Variants in BCOR observed in about 807,000 individuals in gnomAD.
BCOR encodes BCL-6 corepressor.
A neutral mutation model predicts 86.7 loss-of-function variants in BCOR; 10 were observed. The observed-to-expected ratio is 0.12, with a 90% CI of 0.07 to 0.20. BCOR has a LOEUF of 0.20. BCOR is among the 10% of genes least tolerant of loss of function. The pLI, the probability that BCOR is intolerant of heterozygous loss-of-function variation, is 1.00. For synonymous variants in BCOR, 611 were observed against 609.0 expected (o/e 1.00, Z -0.05); for missense variants, 1,259 against 1,452.1 (o/e 0.87, Z 2.16).
chrX:40,113,960 A>G (rs1204240108), intron 1 of BCOR, among the ~76,000 whole-genome samples: 1 of 110,852 alleles, frequency 9.0e-6, no homozygotes, highest in African/African-American at 3.3e-5. Context: ...CTGGGATTAC[A>G]GGTGTGTGCC....
chrX:40,168,202 C>T (rs1938543852), intron 1 of BCOR, among the ~76,000 whole-genome samples: 2 of 113,395 alleles, frequency 1.8e-5, no homozygotes, highest in African/African-American at 3.2e-5. Context: ...CCTTTCTTTT[C>T]TTCCGTCCTT....
intron 1 of BCOR, chrX:40,146,410 A>T (rs1203162053): frequency 9.0e-6 from 1 of 110,664 alleles, no homozygotes; most frequent in Admixed American, 9.4e-5. Context: ...GTCCGGGAGG[A>T]GGGAGGGCCG....
chrX:40,110,672 T>C (rs1602230588), intron 1 of BCOR, among the ~76,000 whole-genome samples: 13 of 5,727 alleles, frequency 2.3e-3, no homozygotes, highest in Non-Finnish European at 3.4e-3. Context: ...TTTTTCTTTT[T>C]TTTTTTTTTT....
rs778453552 is a variant in BCOR at position 40,154,887 on chromosome X, C to G, written c.-41+22120G>C. ...CCTCTTTTGCAGATGGCAGATTAATCCGGCAGCACCCGGCCTCAAAGGGAC... is the reference window on the plus strand; with the variant it reads ...CCTCTTTTGCAGATGGCAGATTAATGCGGCAGCACCCGGCCTCAAAGGGAC... On this transcript the variant is annotated intron_variant, in intron 1 of 14. Transcript: ENST00000342274. 1.8e-4 allele frequency among the ~76,000 whole-genome samples: 20 copies of G among 112,234 alleles called. No individual in the cohort carries two copies. The East Asian group carries it at 5.7e-3, about 32-fold the overall frequency.
At chrX:40,130,530 C>T (rs767230246) in intron 1 of BCOR, among the ~76,000 whole-genome samples, 15 of 112,316 alleles carry the variant, frequency 1.3e-4, no homozygotes, top group Admixed American at 7.5e-4. Flanking sequence ...TGTGTCGCAT[C>T]GCTGTGCAGC....
rs1569156756 is a variant in BCOR at position 40,073,459 on chromosome X, GTTT to G, written c.1884_1886del (p.Asn629del). ...TAGAGCTTGGTGGAAGGCCGTTCTC[GTTT>G]GCTTTGAAACTCGGTTCTGGGTTGC... On this transcript the variant is annotated inframe_deletion, in exon 4 of 15. Transcript: ENST00000378444. The G allele has an allele frequency of 8.2e-7, 1 of 1,212,351 alleles. No homozygotes were observed.
chrX:40,155,386 G>A (rs897554794), intron 1 of BCOR, among the ~76,000 whole-genome samples: 4 of 111,869 alleles, frequency 3.6e-5, no homozygotes, highest in Non-Finnish European at 7.6e-5. Context: ...GCACCCCCGC[G>A]GCCAGGGTCA....
rs759722005 is a variant in BCOR at position 40,077,898 on chromosome X, A to G, written c.32T>C (p.Val11Ala). The part of the protein sequence containing the change: MLSATPLYGN[V>A]HSWMNSERVR... ...CCTCTCGCTGTTCATCCAGCTGTGAACGTTCCCATACAGGGGGGTTGCTGA... is the reference window on the plus strand; with the variant it reads ...CCTCTCGCTGTTCATCCAGCTGTGAGCGTTCCCATACAGGGGGGTTGCTGA... Residue 11 changes from valine (V) to alanine (A), a missense_variant, in exon 2 of 15, where the codon GTT (valine) becomes GCT (alanine). Coordinates refer to ENST00000378444, the MANE Select transcript of BCOR (RefSeq NM_001123385.2). 7 of 1,210,775 alleles carry G rather than the reference A, an allele frequency of 5.8e-6. No individual in the cohort carries two copies. The highest frequency in any genetic ancestry group is 7.8e-6 in the Non-Finnish European group (7 of 895,155).
intron 1 of BCOR, among the ~76,000 whole-genome samples, chrX:40,153,104 G>A (rs904748424): frequency 3.5e-5 from 4 of 113,436 alleles, no homozygotes; most frequent in African/African-American, 9.6e-5. Flanking sequence ...CAGGACCGCG[G>A]AGCAGTCGGG....
intron 1 of BCOR, among the ~76,000 whole-genome samples, chrX:40,083,193 C>A (rs1286454521): frequency 4.5e-5 from 5 of 110,857 alleles, no homozygotes; most frequent in African/African-American, 1.3e-4. Context: ...TCCTCCGGGT[C>A]TGCTGGAGAG....
At chrX:40,168,444 T>TA (rs1350469818) in intron 1 of BCOR, among the ~76,000 whole-genome samples, 1 of 112,848 alleles carries the variant, frequency 8.9e-6, no homozygotes, top group African/African-American at 3.2e-5. Context: ...CCTCCTAGCC[T>TA]AAGTGGAACC....
chrX:40,064,309 C>G, intron 7 of BCOR, 27 bp downstream of exon 7: 2 of 1,211,845 alleles, frequency 1.7e-6, no homozygotes, highest in Non-Finnish European at 2.2e-6. Context: ...CACCCCCCGG[C>G]AGGCGGGCGA....
chrX:40,161,687 G>C (rs1306510875), intron 1 of BCOR, among the ~76,000 whole-genome samples: 1 of 106,471 alleles, frequency 9.4e-6, no homozygotes, highest in African/African-American at 3.4e-5. Context: ...CTAATTTTTT[G>C]TATTTTTAGT....
chrX:40,139,482 TA>T (rs1937849926), intron 1 of BCOR, among the ~76,000 whole-genome samples: 1 of 15,183 alleles, frequency 6.6e-5, no homozygotes, highest in African/African-American at 5.7e-4. Flanking sequence ...TATATATATA[TA>T]TATATATATA....
chrX:40,139,441 T>TAC, intron 1 of BCOR, among the ~76,000 whole-genome samples: 1 of 16,566 alleles, frequency 6.0e-5, no homozygotes, highest in African/African-American at 8.2e-4. Flanking sequence ...TATATATATA[T>TAC]ATATAATATA....
chrX:40,064,271 C>T, intron 7 of BCOR, 65 bp downstream of exon 7: 1 of 1,198,062 alleles, frequency 8.3e-7, no homozygotes, highest in Non-Finnish European at 1.1e-6. Flanking sequence ...CATCTCCTGT[C>T]CATCCACTGT....
chrX:40,073,058 C>A lies in BCOR; in HGVS notation c.2288G>T (p.Arg763Leu), dbSNP rs139011455. Residue 763 changes from arginine to leucine, a missense_variant, in exon 4 of 15, where the codon CGG becomes CTG. Physicochemically the swap from Arg to Leu is moderately radical, Grantham distance 102. Coordinates refer to ENST00000378444, the MANE Select transcript of BCOR (RefSeq NM_001123385.2). ...ARYEDPTLRN[R>L]FSEILETSST... ...GCTAGTTTCCAAAATCTCGGAAAAC[C>A]GATTCCGGAGGGTTGGGTCCTCGTA... 1.2e-4 allele frequency: 149 copies of A among 1,210,444 alleles called. No homozygotes were observed. In the African/African-American group the frequency reaches 2.4e-3, roughly 19 times the overall value.
At chrX:40,122,736 G>A (rs1040913342) in intron 1 of BCOR, among the ~76,000 whole-genome samples, 3 of 111,134 alleles carry the variant, frequency 2.7e-5, no homozygotes, top group Non-Finnish European at 5.7e-5. Context: ...AGCAGCCTTC[G>A]GTCACCCATC....
chrX:40,140,346 C>A (rs959861000), intron 1 of BCOR, among the ~76,000 whole-genome samples: 2 of 109,271 alleles, frequency 1.8e-5, no homozygotes, highest in Admixed American at 9.9e-5. Flanking sequence ...TGCCTGTAGT[C>A]CCACCTACTC....
Sources: gnomAD v4.1 joint callset for allele counts (sites outside exome capture counted in the v4.1 genomes callset) on GRCh38, gnomAD v4.1.1 for gene constraint, MANE v1.5 for transcripts, NCBI Gene and HGNC (gene_info 2026-07-23, HGNC 2026-07-21) for gene names.